RAB2A: variants seen among roughly 807,000 people sequenced by gnomAD.
RAB2A encodes the protein RAB2A, member RAS oncogene family, also known as ras-related protein Rab-2A.
Under a neutral mutation model 32.5 loss-of-function variants are expected in RAB2A, and 7 were observed. The ratio of observed to expected loss-of-function variants is 0.22; its 90% CI spans 0.12 to 0.40. The LOEUF is 0.40. Ranked by LOEUF, RAB2A falls within the 10% of genes least tolerant of loss-of-function variation. The pLI, the probability that RAB2A is intolerant of heterozygous loss-of-function variation, is 1.00. For synonymous variants in RAB2A, 79 were observed against 85.2 expected, an observed-to-expected ratio of 0.93 and a Z score of 0.40; for missense variants, 108 against 260.7, an observed-to-expected ratio of 0.41 and a Z score of 4.03.
intron 2 of RAB2A, among the ~76,000 whole-genome samples, chr8:60,560,915 A>G (rs556667029): frequency 3.7e-4 from 56 of 152,110 alleles, no homozygotes; most frequent in Non-Finnish European, 6.9e-4. Context: ...TGTTTGGAAA[A>G]CTGTAACTCA....
chr8:60,538,385 A>G (rs1198065507), intron 1 of RAB2A, among the ~76,000 whole-genome samples: 1 of 152,236 alleles, frequency 6.6e-6, no homozygotes, highest in Non-Finnish European at 1.5e-5. Context: ...AACATAAACT[A>G]CACAGGAATT....
chr8:60,566,681 A>AT (rs1808119099), intron 2 of RAB2A, among the ~76,000 whole-genome samples: 1 of 152,012 alleles, frequency 6.6e-6, no homozygotes, highest in Non-Finnish European at 1.5e-5. Context: ...ACTGGTGGAC[A>AT]TTGGGCTTCT....
At chr8:60,555,938 C>A (rs1807931114) in intron 1 of RAB2A, among the ~76,000 whole-genome samples, 1 of 152,004 alleles carries the variant, frequency 6.6e-6, no homozygotes, top group African/African-American at 2.4e-5. Flanking sequence ...TTCACAGTAG[C>A]CAAGATATAG....
Position 60,621,941 on chromosome 8 carries a change from C to A in RAB2A, c.*1172C>A, listed in dbSNP as rs1157791049. The stretch of plus-strand genomic sequence containing the variant: ...GTGGTTTTATCCTTTTTTTCTTTTT[C>A]TCCCTTGGTCTATAATGAAATTGTT... On this transcript the variant is annotated 3_prime_UTR_variant, in exon 8 of 8. Transcript: ENST00000262646. 1 of 151,832 alleles carries A rather than the reference C, an allele frequency of 6.6e-6. No individual in the cohort carries two copies. The highest frequency in any genetic ancestry group is 6.6e-5 in the Admixed American group (1 of 15,256). The allele number at this position is 151,832 out of a possible 1,614,324, so 9.4% of individuals were successfully genotyped here.
intron 1 of RAB2A, among the ~76,000 whole-genome samples, chr8:60,525,742 A>T (rs770941699): frequency 1.2e-4 from 18 of 152,052 alleles, no homozygotes; most frequent in Non-Finnish European, 8.8e-5. Context: ...AGCTCCTTAA[A>T]GGAAGGATGG....
At chr8:60,577,867 C>T (rs1490557462) in intron 3 of RAB2A, among the ~76,000 whole-genome samples, 2 of 137,162 alleles carry the variant, frequency 1.5e-5, no homozygotes, top group Non-Finnish European at 3.0e-5. Context: ...TGATCTTGAT[C>T]TCCTGACCTC....
intron 1 of RAB2A, among the ~76,000 whole-genome samples, chr8:60,536,977 G>A (rs1251845338): frequency 6.6e-6 from 1 of 152,160 alleles, no homozygotes; most frequent in Non-Finnish European, 1.5e-5. Context: ...AATTAAAAGA[G>A]AATAGAAGTG....
intron 1 of RAB2A, among the ~76,000 whole-genome samples, chr8:60,546,454 G>C (rs1307121217): frequency 6.6e-6 from 1 of 152,166 alleles, no homozygotes; most frequent in Non-Finnish European, 1.5e-5. Flanking sequence ...CGAGTTGCTA[G>C]ATCTCCAAAC....
At chr8:60,614,440 A>G (rs1284204578) in intron 6 of RAB2A, among the ~76,000 whole-genome samples, 1 of 152,016 alleles carries the variant, frequency 6.6e-6, no homozygotes, top group East Asian at 1.9e-4. Flanking sequence ...TAATAGAGAC[A>G]GGGGTCTTAC....
intron 5 of RAB2A, among the ~76,000 whole-genome samples, chr8:60,588,888 G>C (rs944031582): frequency 6.6e-6 from 1 of 152,164 alleles, no homozygotes; most frequent in Non-Finnish European, 1.5e-5. Context: ...GCTATTAAGA[G>C]AAAATATTAC....
At chr8:60,529,289 G>A (rs573255068) in intron 1 of RAB2A, among the ~76,000 whole-genome samples, 93 of 152,178 alleles carry the variant, frequency 6.1e-4, no homozygotes, top group African/African-American at 2.2e-3. Flanking sequence ...GTGAGTTCAG[G>A]TTTCCGTACA....
chr8:60,596,486 G>A (rs1257682713), intron 6 of RAB2A, among the ~76,000 whole-genome samples: 2 of 152,138 alleles, frequency 1.3e-5, no homozygotes, highest in East Asian at 1.9e-4. Context: ...GTGGGCGAAG[G>A]ATATGAACAG....
intron 1 of RAB2A, among the ~76,000 whole-genome samples, chr8:60,537,895 G>A (rs375524366): frequency 6.6e-6 from 1 of 152,030 alleles, no homozygotes; most frequent in Non-Finnish European, 1.5e-5. Context: ...GCCCCAACTG[G>A]TGTCAAACTC....
At chr8:60,537,626 T>C (rs898512452) in intron 1 of RAB2A, among the ~76,000 whole-genome samples, 4 of 152,230 alleles carry the variant, frequency 2.6e-5, no homozygotes, top group Non-Finnish European at 5.9e-5. Flanking sequence ...AGGACCTCTC[T>C]AGTTCCAACA....
intron 1 of RAB2A, among the ~76,000 whole-genome samples, chr8:60,555,485 A>AG (rs1170155030): frequency 6.6e-6 from 1 of 152,198 alleles, no homozygotes; most frequent in Non-Finnish European, 1.5e-5. Flanking sequence ...TTATCTTACA[A>AG]GGGATTCATA....
chr8:60,578,126 A>G (rs1458915376), intron 3 of RAB2A, among the ~76,000 whole-genome samples: 1 of 152,194 alleles, frequency 6.6e-6, no homozygotes, highest in African/African-American at 2.4e-5. Context: ...TATTACTGTA[A>G]TACTGATTCT....
At chr8:60,608,299 G>A (rs7814111) in intron 6 of RAB2A, among the ~76,000 whole-genome samples, 1,848 of 152,154 alleles carry the variant, frequency 0.012, 40 homozygotes, top group African/African-American at 0.042. Flanking sequence ...CGCCCAAAAA[G>A]CAAGAATTAT....
intron 6 of RAB2A, among the ~76,000 whole-genome samples, chr8:60,597,232 C>T (rs1002948331): frequency 4.6e-5 from 7 of 152,128 alleles, no homozygotes; most frequent in African/African-American, 1.7e-4. Flanking sequence ...GAAAATGTGG[C>T]ACATATACAC....
chr8:60,586,516 TA>T (rs1013926149), intron 5 of RAB2A, among the ~76,000 whole-genome samples: 2 of 149,862 alleles, frequency 1.3e-5, no homozygotes, highest in East Asian at 1.9e-4. Context: ...TCACTATAGA[TA>T]AAAAAAAGAG....
Sources: gnomAD v4.1 joint callset for allele counts (sites outside exome capture counted in the v4.1 genomes callset) on GRCh38, gnomAD v4.1.1 for gene constraint, MANE v1.5 for transcripts, NCBI Gene and HGNC (gene_info 2026-07-23, HGNC 2026-07-21) for gene names.